Variants in UNC13B observed in about 807,000 individuals in gnomAD.
UNC13B encodes protein unc-13 homolog B.
Under a neutral mutation model 211.0 loss-of-function variants are expected in UNC13B, and 144 were observed. The ratio of observed to expected loss-of-function variants is 0.68; its 90% CI spans 0.60 to 0.78. The LOEUF (loss-of-function observed/expected upper bound fraction) is 0.78. Ranked by LOEUF, UNC13B falls within the 30% of genes least tolerant of loss-of-function variation. UNC13B has a pLI of 0.00. For missense variants in UNC13B, 1,777 were observed against 2,002.0 expected (o/e 0.89, Z 2.14); for synonymous variants, 709 against 725.8 (o/e 0.98, Z 0.37).
intron 11 of UNC13B, among the ~76,000 whole-genome samples, chr9:35,358,188 A>G (rs923909552): frequency 4.6e-5 from 7 of 152,204 alleles, no homozygotes; most frequent in African/African-American, 1.7e-4. Flanking sequence ...CATGTATCAC[A>G]TTTTATTTAT....
rs372763906 is a variant in UNC13B at position 35,310,567 on chromosome 9, C to T, written c.9109C>T (p.Arg3037Trp). The T allele has an allele frequency of 1.4e-4, 232 of 1,614,044 alleles. 4 individuals are homozygous for T. The South Asian group carries it at 2.3e-3, about 16-fold the overall frequency. The change falls in exon 10 of 40, where the codon CGG becomes TGG. Residue 3037 changes from arginine to tryptophan, a missense_variant. Coordinates refer to ENST00000635942, the MANE Select transcript of UNC13B (RefSeq NM_001371189.2). ...GTATCACGAACAAGATGACGACCATCGGGAGACGGACTCGATTCATTCTTG... is the reference window on the plus strand; with the variant it reads ...GTATCACGAACAAGATGACGACCATTGGGAGACGGACTCGATTCATTCTTG... Reference protein sequence around the residue: ...DQYHEQDDDHRETDSIHSCHS... With the variant: ...DQYHEQDDDHWETDSIHSCHS...
At chr9:35,370,508 G>A (rs894162165) in intron 13 of UNC13B, 112 bp downstream of exon 13, 4 of 956,048 alleles carry the variant, frequency 4.2e-6, no homozygotes, top group Middle Eastern at 3.2e-4. Flanking sequence ...AAATTGATCT[G>A]ATGATCAATC....
Position 35,380,653 on chromosome 9 carries a change from AC to A in UNC13B, c.10375+17del. On this transcript the variant is annotated intron_variant, in intron 18 of 39. Coordinates refer to ENST00000635942, the MANE Select transcript of UNC13B (RefSeq NM_001371189.2). ...GGTACAACTTGGGTGAGGAAACTGG[AC>A]CCGAGAAAGTTGCTTGGAAGGGAAA... is the stretch of plus-strand genomic sequence containing the variant. 1 of 1,614,014 alleles carries A rather than the reference AC, an allele frequency of 6.2e-7. No homozygotes were observed. The highest frequency in any genetic ancestry group is 8.5e-7 in the Non-Finnish European group (1 of 1,179,926).
chr9:35,334,796 G>A (rs1831561051), intron 11 of UNC13B, among the ~76,000 whole-genome samples: 1 of 152,204 alleles, frequency 6.6e-6, no homozygotes, highest in African/African-American at 2.4e-5. Flanking sequence ...CAGCACTTTG[G>A]GAGGCTGAGG....
At chr9:35,335,254 T>C (rs1831588802) in intron 11 of UNC13B, among the ~76,000 whole-genome samples, 1 of 152,128 alleles carries the variant, frequency 6.6e-6, no homozygotes, top group Non-Finnish European at 1.5e-5. Context: ...AGAAATAAAA[T>C]AACATGAGCT....
intron 7 of UNC13B, among the ~76,000 whole-genome samples, chr9:35,270,029 T>A (rs185815757): frequency 6.6e-6 from 1 of 152,352 alleles, no homozygotes; most frequent in East Asian, 1.9e-4. Flanking sequence ...CATGGCCCTA[T>A]CATTCTTTGA....
chr9:35,330,775 C>T (rs1032934003), intron 11 of UNC13B, among the ~76,000 whole-genome samples: 1 of 152,126 alleles, frequency 6.6e-6, no homozygotes, highest in Non-Finnish European at 1.5e-5. Context: ...TGTGACTGAG[C>T]CTGGTGAATT....
At chr9:35,403,667 G>T in intron 39 of UNC13B, 68 bp downstream of exon 39, 1 of 1,508,598 alleles carries the variant, frequency 6.6e-7, no homozygotes, top group Non-Finnish European at 9.0e-7. Flanking sequence ...GGGGAGAGGA[G>T]GGCCCGGGGG....
chr9:35,248,321 A>AT (rs1269764269), intron 6 of UNC13B, among the ~76,000 whole-genome samples: 6 of 151,954 alleles, frequency 3.9e-5, no homozygotes, highest in East Asian at 1.9e-4. Flanking sequence ...GGATTCATTG[A>AT]TTTTTTTGAA....
At chr9:35,187,104 T>G (rs998683364) in intron 1 of UNC13B, among the ~76,000 whole-genome samples, 23 of 152,314 alleles carry the variant, frequency 1.5e-4, no homozygotes, top group Admixed American at 6.5e-5. Flanking sequence ...CATCTATAGG[T>G]CTTACTGCAA....
intron 26 of UNC13B, among the ~76,000 whole-genome samples, chr9:35,391,577 C>T (rs1374654845): frequency 6.6e-6 from 1 of 152,200 alleles, no homozygotes; most frequent in Non-Finnish European, 1.5e-5. Context: ...CAGCCACAGA[C>T]TACACGCATA....
At chr9:35,209,655 G>C (rs1823858130) in intron 1 of UNC13B, among the ~76,000 whole-genome samples, 1 of 152,192 alleles carries the variant, frequency 6.6e-6, no homozygotes, top group African/African-American at 2.4e-5. Context: ...TGGGATTTTA[G>C]GCATGGGCCA....
At chr9:35,319,047 T>C (rs758299114) in intron 11 of UNC13B, among the ~76,000 whole-genome samples, 1 of 152,200 alleles carries the variant, frequency 6.6e-6, no homozygotes, top group Non-Finnish European at 1.5e-5. Flanking sequence ...CCAGAAGTTA[T>C]TAATACATAT....
intron 11 of UNC13B, among the ~76,000 whole-genome samples, chr9:35,346,602 T>G (rs1440417384): frequency 6.6e-6 from 1 of 152,348 alleles, no homozygotes; most frequent in Middle Eastern, 3.4e-3. Context: ...CCTTTTCAAA[T>G]GCAGATAGTC....
At chr9:35,228,321 A>G (rs567602013) in intron 2 of UNC13B, among the ~76,000 whole-genome samples, 37 of 152,086 alleles carry the variant, frequency 2.4e-4, no homozygotes, top group Non-Finnish European at 4.9e-4. Flanking sequence ...AAGGATAAAT[A>G]TTGACAATTA....
chr9:35,316,613 A>G (rs1830470109), intron 11 of UNC13B, among the ~76,000 whole-genome samples: 2 of 152,298 alleles, frequency 1.3e-5, no homozygotes, highest in Admixed American at 1.3e-4. Flanking sequence ...AAATATTTCT[A>G]ATGAAGATTT....
At chr9:35,297,793 C>T (rs550216) in intron 8 of UNC13B, among the ~76,000 whole-genome samples, 336 of 151,496 alleles carry the variant, frequency 2.2e-3, no homozygotes, top group African/African-American at 8.0e-3. Context: ...TCGTGATTCA[C>T]CCACCTCGGC....
At chr9:35,232,177 CTT>C (rs547048403) in intron 3 of UNC13B, among the ~76,000 whole-genome samples, 21 of 31,546 alleles carry the variant, frequency 6.7e-4, no homozygotes, top group South Asian at 3.8e-3. Flanking sequence ...TATATTGCTG[CTT>C]TTTTTTTTTT....
chr9:35,354,173 T>C (rs960355710), intron 11 of UNC13B, among the ~76,000 whole-genome samples: 12 of 151,996 alleles, frequency 7.9e-5, no homozygotes, highest in African/African-American at 2.9e-4. Context: ...AAAGAAGGGG[T>C]GGGAGTGAGA....
Sources: gnomAD v4.1 joint callset for allele counts (sites outside exome capture counted in the v4.1 genomes callset) on GRCh38, gnomAD v4.1.1 for gene constraint, MANE v1.5 for transcripts, NCBI Gene and HGNC (gene_info 2026-07-23, HGNC 2026-07-21) for gene names.